TOX: variants seen among roughly 807,000 people sequenced by gnomAD.
The protein encoded by TOX is thymocyte selection associated high mobility group box, also known as thymocyte selection-associated high mobility group box protein TOX.
TOX carries 11 observed loss-of-function variants against 53.7 expected under a neutral mutation model. That is an observed-to-expected ratio of 0.20 (90% confidence interval 0.13 to 0.34). The LOEUF is 0.34. TOX is among the 10% of genes least tolerant of loss of function. The pLI, the probability that TOX is intolerant of heterozygous loss-of-function variation, is 1.00. For missense variants in TOX, 570 were observed against 664.6 expected, an observed-to-expected ratio of 0.86 and a Z score of 1.56; for synonymous variants, 225 against 245.3, an observed-to-expected ratio of 0.92 and a Z score of 0.77.
chr8:58,973,899 G>C (rs1813047116), intron 1 of TOX, among the ~76,000 whole-genome samples: 1 of 152,054 alleles, frequency 6.6e-6, no homozygotes, highest in Non-Finnish European at 1.5e-5. Flanking sequence ...CCAGGTTCAA[G>C]CAATTCTCCT....
chr8:59,038,784 T>C (rs1803517048), intron 1 of TOX, among the ~76,000 whole-genome samples: 1 of 152,250 alleles, frequency 6.6e-6, no homozygotes. Flanking sequence ...CACTTTTGAC[T>C]TTTTAAAAAA....
intron 1 of TOX, among the ~76,000 whole-genome samples, chr8:59,065,092 G>A (rs1307176967): frequency 1.3e-5 from 2 of 152,194 alleles, no homozygotes; most frequent in African/African-American, 4.8e-5. Flanking sequence ...GCATATTAGT[G>A]AGGAAATGAG....
chr8:59,116,568 C>A (rs1805102322), intron 1 of TOX, among the ~76,000 whole-genome samples: 1 of 152,140 alleles, frequency 6.6e-6, no homozygotes, highest in South Asian at 2.1e-4. Flanking sequence ...ATTTGTGGGG[C>A]CTAGAAAACT....
intron 3 of TOX, among the ~76,000 whole-genome samples, chr8:58,886,794 A>C (rs1811476179): frequency 6.6e-6 from 1 of 151,560 alleles, no homozygotes; most frequent in Non-Finnish European, 1.5e-5. Context: ...TCCCAACCAC[A>C]ATTTACCTTT....
At chr8:59,025,443 G>A (rs1399705011) in intron 1 of TOX, among the ~76,000 whole-genome samples, 1 of 149,356 alleles carries the variant, frequency 6.7e-6, no homozygotes, top group Non-Finnish European at 1.5e-5. Flanking sequence ...ATCCAATCGG[G>A]AAGGTAGGAC....
intron 3 of TOX, among the ~76,000 whole-genome samples, chr8:58,865,216 A>G (rs1005454010): frequency 2.6e-5 from 4 of 152,270 alleles, no homozygotes; most frequent in East Asian, 1.9e-4. Context: ...ACCACAGGAG[A>G]GTAATGAATA....
intron 3 of TOX, among the ~76,000 whole-genome samples, chr8:58,935,199 C>G (rs1473054370): frequency 6.6e-6 from 1 of 152,140 alleles, no homozygotes; most frequent in Admixed American, 6.5e-5. Context: ...ATAAGTAACA[C>G]ATCTATAATA....
chr8:59,002,490 G>A (rs190117397), intron 1 of TOX, among the ~76,000 whole-genome samples: 1 of 151,254 alleles, frequency 6.6e-6, no homozygotes, highest in African/African-American at 2.4e-5. Context: ...TCCTCGGGAG[G>A]CTGAGGCAGG....
rs150356154 is a variant in TOX, at chr8:58,904,648, G to A, written c.411+34654C>T. 2.5e-3 allele frequency among the ~76,000 whole-genome samples: 388 copies of A among 152,286 alleles called. 15 individuals are homozygous for A. The East Asian group carries it at 0.066, about 26-fold the overall frequency. On this transcript the variant is annotated intron_variant, in intron 3 of 8. Coordinates refer to ENST00000361421, the MANE Select transcript of TOX (RefSeq NM_014729.3). ...GTTAGTTTTTTACTCTTAAGCAGTA[G>A]CAGCAGGGGCCTGACCATGGTAATG...
intron 3 of TOX, among the ~76,000 whole-genome samples, chr8:58,910,053 AC>A (rs1811884010): frequency 6.6e-6 from 1 of 152,018 alleles, no homozygotes; most frequent in Non-Finnish European, 1.5e-5. Context: ...GGGAAAATTG[AC>A]CCCAGCCACA....
intron 1 of TOX, among the ~76,000 whole-genome samples, chr8:58,990,382 CT>C (rs530055492): frequency 2.0e-3 from 299 of 151,530 alleles, no homozygotes; most frequent in African/African-American, 6.7e-3. Context: ...AGTAAAGCTT[CT>C]TTTTTTGTTT....
At chr8:58,985,399 A>G (rs546282272) in intron 1 of TOX, among the ~76,000 whole-genome samples, 2 of 152,342 alleles carry the variant, frequency 1.3e-5, no homozygotes, top group African/African-American at 4.8e-5. Context: ...AAAATAAAAA[A>G]TAAAAGACAA....
intron 1 of TOX, among the ~76,000 whole-genome samples, chr8:58,998,493 G>GTATATATATATA (rs61434586): frequency 1.3e-4 from 8 of 63,598 alleles, no homozygotes; most frequent in African/African-American, 5.5e-4. Context: ...CATCTCAAAA[G>GTATATATATATA]TATATATATA....
At chr8:59,113,708 CCAGG>C (rs993294968) in intron 1 of TOX, among the ~76,000 whole-genome samples, 15 of 151,752 alleles carry the variant, frequency 9.9e-5, no homozygotes, top group African/African-American at 3.6e-4. Context: ...AAGGGTGGTC[CCAGG>C]AGTTGGAGTG....
chr8:59,080,945 G>A (rs971927071), intron 1 of TOX, among the ~76,000 whole-genome samples: 10 of 152,158 alleles, frequency 6.6e-5, no homozygotes, highest in Admixed American at 2.6e-4. Flanking sequence ...CCTACTGGTC[G>A]GTGTTCACCT....
intron 1 of TOX, among the ~76,000 whole-genome samples, chr8:59,049,108 G>GA (rs1287914377): frequency 7.6e-6 from 1 of 131,222 alleles, no homozygotes; most frequent in African/African-American, 2.7e-5. Context: ...TAATGAAAAT[G>GA]AAAAAAACAA....
chr8:58,845,628 G>T (rs766209246), intron 4 of TOX, among the ~76,000 whole-genome samples: 1 of 151,984 alleles, frequency 6.6e-6, no homozygotes, highest in Non-Finnish European at 1.5e-5. Context: ...CTATACTTTT[G>T]AAATGATTCA....
intron 3 of TOX, among the ~76,000 whole-genome samples, chr8:58,928,792 T>C (rs1194936156): frequency 6.6e-6 from 1 of 152,210 alleles, no homozygotes; most frequent in Admixed American, 6.5e-5. Context: ...TCCATAGCAT[T>C]TGCAAGTTTC....
intron 1 of TOX, among the ~76,000 whole-genome samples, chr8:58,993,560 A>G (rs1206586387): frequency 6.6e-6 from 1 of 152,232 alleles, no homozygotes; most frequent in East Asian, 1.9e-4. Context: ...ATTTAAGAAA[A>G]GTTGAAATCA....
Sources: allele counts gnomAD v4.1 joint callset (sites outside exome capture counted in the v4.1 genomes callset), GRCh38; gene constraint gnomAD v4.1.1; transcripts MANE v1.5; gene names NCBI Gene and HGNC (gene_info 2026-07-23, HGNC 2026-07-21).